ADAM12: variants seen among roughly 807,000 people sequenced by gnomAD.
ADAM12 encodes disintegrin and metalloproteinase domain-containing protein 12.
A neutral mutation model predicts 106.4 loss-of-function variants in ADAM12; 70 were observed. The observed-to-expected ratio is 0.66, with a 90% CI of 0.54 to 0.80. The LOEUF (loss-of-function observed/expected upper bound fraction) is 0.80. ADAM12 is among the 30% of genes least tolerant of loss of function. The pLI is 0.00. For synonymous variants in ADAM12, 420 were observed against 433.5 expected (o/e 0.97, Z 0.39); for missense variants, 1,010 against 1,171.9 (o/e 0.86, Z 2.02).
intron 3 of ADAM12, among the ~76,000 whole-genome samples, chr10:126,221,759 T>TTC (rs1479320899): frequency 2.0e-5 from 3 of 152,224 alleles, no homozygotes; most frequent in Non-Finnish European, 2.9e-5. Flanking sequence ...GGAATCCTCC[T>TTC]TCTCCCAGGA....
intron 2 of ADAM12, among the ~76,000 whole-genome samples, chr10:126,300,689 AAT>A (rs2133798064): frequency 6.6e-6 from 1 of 152,166 alleles, no homozygotes; most frequent in South Asian, 2.1e-4. Flanking sequence ...TTCTTTTTTT[AAT>A]TAATAGGAAA....
At chr10:126,226,530 G>GGCCGGA (rs1282697163) in intron 3 of ADAM12, among the ~76,000 whole-genome samples, 1 of 152,186 alleles carries the variant, frequency 6.6e-6, no homozygotes, top group Non-Finnish European at 1.5e-5. Context: ...GACTCTGACG[G>GGCCGGA]GCCTGAGCCT....
intron 11 of ADAM12, among the ~76,000 whole-genome samples, chr10:126,089,862 A>G (rs1164250850): frequency 6.6e-6 from 1 of 151,974 alleles, no homozygotes; most frequent in African/African-American, 2.4e-5. Flanking sequence ...ACCCCCACTT[A>G]AAGTGGGCTC....
chr10:126,038,457 A>T, intron 19 of ADAM12, 108 bp from the exon 20 acceptor site: 1 of 807,750 alleles, frequency 1.2e-6, no homozygotes, highest in Non-Finnish European at 1.9e-6. Context: ...TACTTAACTC[A>T]GTGTGCTAAA....
At chr10:126,078,698 T>G (rs74809687) in intron 11 of ADAM12, among the ~76,000 whole-genome samples, 18,826 of 152,096 alleles carry the variant, frequency 0.12, 1,511 homozygotes, top group African/African-American at 0.21. Context: ...AATATTTTTC[T>G]TCTTTTATAC....
intron 14 of ADAM12, among the ~76,000 whole-genome samples, chr10:126,057,663 A>G (rs1346558438): frequency 6.6e-6 from 1 of 152,170 alleles, no homozygotes; most frequent in Non-Finnish European, 1.5e-5. Context: ...GGGAGCTGCC[A>G]GCTAGTGGTC....
intron 5 of ADAM12, among the ~76,000 whole-genome samples, chr10:126,127,923 A>G (rs914422765): frequency 5.3e-5 from 8 of 152,196 alleles, no homozygotes; most frequent in African/African-American, 1.9e-4. Flanking sequence ...ATGTGGCGGC[A>G]TGCTCTGGAA....
intron 3 of ADAM12, among the ~76,000 whole-genome samples, chr10:126,188,527 AAAAC>A (rs1411896976): frequency 2.0e-5 from 3 of 152,216 alleles, no homozygotes; most frequent in East Asian, 3.9e-4. Context: ...CACAAGGAAG[AAAAC>A]AAACAAAGGC....
intron 1 of ADAM12, among the ~76,000 whole-genome samples, chr10:126,372,580 C>T (rs1443469308): frequency 2.0e-5 from 3 of 152,190 alleles, no homozygotes; most frequent in African/African-American, 4.8e-5. Context: ...TCTTGACCCA[C>T]TAAATCCATA....
intron 1 of ADAM12, among the ~76,000 whole-genome samples, chr10:126,340,453 G>A (rs1854884085): frequency 6.6e-6 from 1 of 152,318 alleles, no homozygotes; most frequent in East Asian, 1.9e-4. Flanking sequence ...AGGCACAGAA[G>A]TTAAGTAACT....
At chr10:126,121,539 T>A (rs1314619001) in intron 5 of ADAM12, among the ~76,000 whole-genome samples, 1 of 144,388 alleles carries the variant, frequency 6.9e-6, no homozygotes, top group Non-Finnish European at 1.5e-5. Context: ...TATATAATAA[T>A]ATATAATCTT....
At chr10:126,264,991 G>C (rs1245992999) in intron 3 of ADAM12, among the ~76,000 whole-genome samples, 2 of 152,176 alleles carry the variant, frequency 1.3e-5, no homozygotes, top group Non-Finnish European at 2.9e-5. Flanking sequence ...AAAAAGATTT[G>C]TGTAATATCT....
chr10:126,265,869 A>T (rs1016324189), intron 3 of ADAM12, among the ~76,000 whole-genome samples: 2 of 152,264 alleles, frequency 1.3e-5, no homozygotes, highest in African/African-American at 4.8e-5. Flanking sequence ...AACCAAGTTC[A>T]AGCAATCCAA....
rs572011312 is a variant in ADAM12, at chr10:126,337,139, C to T, written c.89-6630G>A. Among the ~76,000 whole-genome samples, 257 of 152,324 alleles carry T rather than the reference C, an allele frequency of 1.7e-3. 7 individuals carry two copies. The highest frequency in any genetic ancestry group is 9.3e-3 in the South Asian group (45 of 4,832). On this transcript the variant is annotated intron_variant, in intron 1 of 22. Transcript: ENST00000448723. Reference sequence around the variant, plus strand: ...AAGGCGACGTCCCAGGACAGGCCGTCTGCAAGCTGGGAAAGACAGAGGCTG... The same window carrying T: ...AAGGCGACGTCCCAGGACAGGCCGTTTGCAAGCTGGGAAAGACAGAGGCTG...
intron 1 of ADAM12, among the ~76,000 whole-genome samples, chr10:126,385,821 C>T (rs1003675554): frequency 1.3e-5 from 2 of 152,038 alleles, no homozygotes; most frequent in Non-Finnish European, 2.9e-5. Context: ...CCTAAGGGTG[C>T]TAGAGAGCCA....
chr10:126,280,076 C>T (rs535615676), intron 2 of ADAM12, among the ~76,000 whole-genome samples: 9 of 152,294 alleles, frequency 5.9e-5, no homozygotes, highest in African/African-American at 2.2e-4. Flanking sequence ...TATAATGTTT[C>T]AGCTATACCA....
At chr10:126,266,480 C>T (rs186962408) in intron 3 of ADAM12, among the ~76,000 whole-genome samples, 371 of 152,184 alleles carry the variant, frequency 2.4e-3, no homozygotes, top group African/African-American at 5.2e-3. Context: ...CAGACAGAAG[C>T]GGCCAGGGTG....
At chr10:126,212,938 A>AACGAACGTTGACCTAAACACC (rs762003937) in intron 3 of ADAM12, among the ~76,000 whole-genome samples, 1 of 152,148 alleles carries the variant, frequency 6.6e-6, no homozygotes, top group Non-Finnish European at 1.5e-5. Flanking sequence ...TTCACATACC[A>AACGAACGTTGACCTAAACACC]TAAAACACAG....
At chr10:126,203,939 C>CGTGTGT (rs56035821) in intron 3 of ADAM12, among the ~76,000 whole-genome samples, 2 of 150,162 alleles carry the variant, frequency 1.3e-5, no homozygotes, top group Non-Finnish European at 3.0e-5. Flanking sequence ...CGCGCGCGCG[C>CGTGTGT]GTGTGTGTGT....
Sources: gnomAD v4.1 joint callset for allele counts (sites outside exome capture counted in the v4.1 genomes callset) on GRCh38, gnomAD v4.1.1 for gene constraint, MANE v1.5 for transcripts, NCBI Gene and HGNC (gene_info 2026-07-23, HGNC 2026-07-21) for gene names.